RAD21: variants seen among roughly 807,000 people sequenced by gnomAD.
RAD21 encodes the protein RAD21 cohesin complex component.
In RAD21, 18 loss-of-function variants were observed where a neutral mutation model predicts 71.5. The observed-to-expected ratio is 0.25, with a 90% CI of 0.17 to 0.37. The LOEUF is 0.37. Among genes scored for constraint, RAD21 ranks in the 10% least tolerant of loss-of-function variants. The pLI, the probability that RAD21 is intolerant of heterozygous loss-of-function variation, is 1.00. For synonymous variants in RAD21, 248 were observed against 254.0 expected (o/e 0.98, Z 0.22); for missense variants, 493 against 769.1 (o/e 0.64, Z 4.25).
chr8:116,846,196 T>G lies in RAD21; in HGVS notation c.*1304A>C, dbSNP rs931701915. 2 of 230,746 alleles carry G rather than the reference T, an allele frequency of 8.7e-6. No homozygotes were observed. The highest frequency in any genetic ancestry group is 2.2e-5 in the African/African-American group (1 of 45,210). The allele number at this position is 230,746 out of a possible 1,614,324, so 14.3% of individuals were successfully genotyped here. On this transcript the variant is annotated 3_prime_UTR_variant, in exon 14 of 14. Coordinates refer to ENST00000297338, the MANE Select transcript of RAD21 (RefSeq NM_006265.3). Reference sequence around the variant, plus strand: ...TATACAATTACCACTCTGAAGAAACTGAATCATTAAAACAGTAATTACGAG... The same window carrying G: ...TATACAATTACCACTCTGAAGAAACGGAATCATTAAAACAGTAATTACGAG...
Position 116,847,736 on chromosome 8 carries a change from T to C in RAD21, c.1705-45A>G, listed in dbSNP as rs569695192. On this transcript the variant is annotated intron_variant, in intron 13 of 13. Transcript: ENST00000297338. ...GGGTAACTTAATCTGTATAATAAAG[T>C]AGTAATTCAGTGAGGATGCTGATAC... 2.5e-4 allele frequency: 374 copies of C among 1,510,366 alleles called. 6 individuals are homozygous for C. In the South Asian group the frequency reaches 4.3e-3, roughly 17 times the overall value. The allele number at this position is 1,510,366 out of a possible 1,614,324, so 93.6% of individuals were successfully genotyped here. A position where few individuals can be genotyped will look rare whatever the true frequency, so the allele number is the denominator to read the frequency against.
chr8:116,857,784 GA>G (rs1409135304), intron 5 of RAD21, among the ~76,000 whole-genome samples: 1 of 137,146 alleles, frequency 7.3e-6, no homozygotes, highest in Non-Finnish European at 1.6e-5. Flanking sequence ...AGTCACAGCT[GA>G]AACTTTCCCG....
At chr8:116,868,671 T>C (rs1221871221) in intron 1 of RAD21, among the ~76,000 whole-genome samples, 2 of 152,022 alleles carry the variant, frequency 1.3e-5, no homozygotes, top group Admixed American at 6.6e-5. Flanking sequence ...TTTTGAAAAA[T>C]AGTGAGAAAA....
intron 3 of RAD21, among the ~76,000 whole-genome samples, chr8:116,862,412 T>A (rs16888968): frequency 0.022 from 3,279 of 152,190 alleles, 119 homozygotes; most frequent in African/African-American, 0.074. Flanking sequence ...AATGTGCTTA[T>A]TGGTCACATG....
chr8:116,856,099 A>G (rs1442197492), intron 8 of RAD21, 67 bp downstream of exon 8: 1 of 1,530,974 alleles, frequency 6.5e-7, no homozygotes, highest in African/African-American at 1.4e-5. Flanking sequence ...AGATCAGTAG[A>G]CAGGCAAAAA....
intron 2 of RAD21, among the ~76,000 whole-genome samples, chr8:116,864,837 G>C (rs1220973466): frequency 6.6e-6 from 1 of 152,092 alleles, no homozygotes; most frequent in Non-Finnish European, 1.5e-5. Flanking sequence ...GCTAGTGTGT[G>C]TTAAAGTGTA....
chr8:116,874,359 T>A (rs1812922059), intron 1 of RAD21: 1 of 163,450 alleles, frequency 6.1e-6, no homozygotes. Context: ...GAATCATTTG[T>A]TACCGAACAA....
intron 5 of RAD21, among the ~76,000 whole-genome samples, chr8:116,857,939 G>A (rs16888937): frequency 1.7e-4 from 26 of 152,270 alleles, no homozygotes; most frequent in Middle Eastern, 6.8e-3. Flanking sequence ...AGCCTGTGAA[G>A]AGCCACGGCA....
chr8:116,872,075 C>CA (rs951384243), intron 1 of RAD21, among the ~76,000 whole-genome samples: 2 of 151,640 alleles, frequency 1.3e-5, no homozygotes, highest in African/African-American at 4.8e-5. Context: ...GAGGGGGGGA[C>CA]AAAAAAACAC....
chr8:116,856,012 G>T (rs552155837), intron 8 of RAD21, among the ~76,000 whole-genome samples, 154 bp downstream of exon 8: 1 of 152,090 alleles, frequency 6.6e-6, no homozygotes, highest in East Asian at 1.9e-4. Context: ...GTTAACTAAA[G>T]CAACAGTAGC....
At chr8:116,850,571 T>A (rs575386746) in intron 12 of RAD21, 47 bp downstream of exon 12, 1 of 1,591,806 alleles carries the variant, frequency 6.3e-7, no homozygotes, top group Admixed American at 1.7e-5. Flanking sequence ...ATAAAGCTGG[T>A]TGGAGGTTTT....
At position 116,846,622 on chromosome 8, in the gene RAD21, G is replaced by A. The variant is rs1249556547; in HGVS notation, c.*878C>T. On this transcript the variant is annotated 3_prime_UTR_variant, in exon 14 of 14. Coordinates refer to ENST00000297338, the MANE Select transcript of RAD21 (RefSeq NM_006265.3). Reference sequence around the variant, plus strand: ...TGCTTAAAAGCTAAGTTGACCAGGTGCATAATTTCCCATCAGTCTGTCCTT... The same window carrying A: ...TGCTTAAAAGCTAAGTTGACCAGGTACATAATTTCCCATCAGTCTGTCCTT... 1.3e-5 allele frequency: 3 copies of A among 227,470 alleles called. No individual in the cohort carries two copies. The highest frequency in any genetic ancestry group is 6.3e-5 in the East Asian group (1 of 15,774). 14.1% of individuals were successfully genotyped at this position (227,470 alleles called of 1,614,324 possible).
intron 4 of RAD21, among the ~76,000 whole-genome samples, 166 bp from the exon 5 acceptor site, chr8:116,858,624 G>T (rs773854842): frequency 6.6e-6 from 1 of 152,136 alleles, no homozygotes; most frequent in East Asian, 1.9e-4. Context: ...ATCCAAGAAT[G>T]TAAGTGATTT....
Position 116,850,706 on chromosome 8 carries a change from T to C in RAD21, c.1532A>G (p.Asn511Ser), listed in dbSNP as rs1202371552. 8.1e-6 allele frequency: 13 copies of C among 1,613,674 alleles called. No homozygotes were observed. The highest frequency in any genetic ancestry group is 8.0e-5 in the African/African-American group (6 of 75,022). The change falls in exon 12 of 14, where the codon AAT (asparagine) becomes AGT (serine). Residue 511 changes from asparagine to serine, a missense_variant. By Grantham distance (46) the Asn-to-Ser change is conservative. Around this residue, in one of 5 missense-constraint regions of RAD21, gnomAD observed 225 missense variants for 218.3 expected, o/e 1.03. Coordinates refer to ENST00000297338, the MANE Select transcript of RAD21 (RefSeq NM_006265.3). ...PVELPPEEPP[N>S]ICQLIPELEL... ...TAACTCTGGTATTAGCTGACAGATATTTGGAGGTTCTTCTGGGGGAAGCTC... is the reference window on the plus strand; with the variant it reads ...TAACTCTGGTATTAGCTGACAGATACTTGGAGGTTCTTCTGGGGGAAGCTC...
At chr8:116,853,014 C>G (rs893097531) in intron 9 of RAD21, among the ~76,000 whole-genome samples, 1 of 152,168 alleles carries the variant, frequency 6.6e-6, no homozygotes, top group African/African-American at 2.4e-5. Context: ...CCTAACTGGT[C>G]TCATACAAAA....
rs898251614 is a variant in RAD21 at position 116,852,233 on chromosome 8, C to T, written c.1322-137G>A. On this transcript the variant is annotated intron_variant, in intron 10 of 13. Transcript: ENST00000297338. ...TGAAGAAGGCCAGATAAAATTTTAG[C>T]TCCATAAAGATTTACTCAATTTTTA... 2.7e-5 allele frequency: 24 copies of T among 881,680 alleles called. No individual in the cohort carries two copies. In the African/African-American group the frequency reaches 3.7e-4, roughly 14 times the overall value. 54.6% of individuals were successfully genotyped at this position (881,680 alleles called of 1,614,324 possible). A position where few individuals can be genotyped will look rare whatever the true frequency, so the allele number is the denominator to read the frequency against.
chr8:116,865,971 C>T (rs1812681661), intron 2 of RAD21, among the ~76,000 whole-genome samples: 1 of 152,110 alleles, frequency 6.6e-6, no homozygotes, highest in South Asian at 2.1e-4. Flanking sequence ...TAGTTTACAT[C>T]AGGGTTCACA....
chr8:116,862,397 G>A (rs1023808845), intron 3 of RAD21, among the ~76,000 whole-genome samples: 1 of 151,936 alleles, frequency 6.6e-6, no homozygotes, highest in African/African-American at 2.4e-5. Context: ...ATGTTATTTA[G>A]ATAAAATGTG....
intron 1 of RAD21, among the ~76,000 whole-genome samples, chr8:116,867,722 T>C (rs1812725624): frequency 6.6e-6 from 1 of 152,198 alleles, no homozygotes; most frequent in Non-Finnish European, 1.5e-5. Flanking sequence ...ATCAAGTGCA[T>C]GTACAATACA....
Sources: gnomAD v4.1 joint callset for allele counts (sites outside exome capture counted in the v4.1 genomes callset) on GRCh38, gnomAD v4.1.1 for gene constraint, gnomAD v4.1.1 regional missense constraint, MANE v1.5 for transcripts, NCBI Gene and HGNC (gene_info 2026-07-23, HGNC 2026-07-21) for gene names.